The following FAM210A variants were observed in gnomAD, a reference collection of about 807,000 sequenced individuals.
FAM210A encodes the protein mitochondrial inner membrane scaffold 1.
FAM210A carries 13 observed loss-of-function variants against 25.3 expected under a neutral mutation model. The observed-to-expected ratio is 0.51, with a 90% CI of 0.33 to 0.82. The LOEUF (loss-of-function observed/expected upper bound fraction) is 0.82, where lower values mean the gene tolerates loss of function less well. FAM210A is among the 40% of genes least tolerant of loss of function. The probability of loss-of-function intolerance (pLI) is 0.02; values close to 1 mark genes in which losing one functional copy is unlikely to be tolerated. For synonymous variants in FAM210A, 125 were observed against 118.7 expected (o/e 1.05, Z -0.35); for missense variants, 319 against 323.2 (o/e 0.99, Z 0.10).
At chr18:13,707,306 C>T (rs1205983869) in intron 1 of FAM210A, among the ~76,000 whole-genome samples, 2 of 152,070 alleles carry the variant, frequency 1.3e-5, no homozygotes, top group Non-Finnish European at 2.9e-5. Flanking sequence ...TGCACTAGGC[C>T]CCAACAGACC....
At chr18:13,697,145 C>G (rs2043701080) in intron 1 of FAM210A, among the ~76,000 whole-genome samples, 1 of 152,134 alleles carries the variant, frequency 6.6e-6, no homozygotes, top group Non-Finnish European at 1.5e-5. Flanking sequence ...ATGATGTTCT[C>G]ACAATGACAA....
chr18:13,709,617 TCTAA>T (rs1392020978), intron 1 of FAM210A, among the ~76,000 whole-genome samples: 1 of 152,206 alleles, frequency 6.6e-6, no homozygotes, highest in Non-Finnish European at 1.5e-5. Flanking sequence ...CCACTTATCT[TCTAA>T]CTTCTTATAC....
At position 13,712,859 on chromosome 18, in the gene FAM210A, T is replaced by C. The variant is rs116001821; in HGVS notation, c.-29+13470A>G. On this transcript the variant is annotated intron_variant, in intron 1 of 3. Coordinates refer to ENST00000651643, the MANE Select transcript of FAM210A (RefSeq NM_152352.4). ...GATAGAAGGACTCAAAACTAAGTAC[T>C]TCAAAACATGAAAGCTGCAGTATAC... Among the ~76,000 whole-genome samples, 1,069 of 152,310 alleles carry C rather than the reference T, an allele frequency of 7.0e-3. 12 individuals are homozygous for C. The highest frequency in any genetic ancestry group is 0.025 in the African/African-American group (1,024 of 41,558).
chr18:13,707,738 T>G (rs964335696), intron 1 of FAM210A, among the ~76,000 whole-genome samples: 1 of 152,250 alleles, frequency 6.6e-6, no homozygotes, highest in Non-Finnish European at 1.5e-5. Context: ...CTTAGGAGTG[T>G]GCGCCTGTAA....
At position 13,666,637 on chromosome 18, in the gene FAM210A, TAG is replaced by T. The variant is rs1239732076; in HGVS notation, c.660_661del (p.Tyr221HisfsTer32). 6.2e-7 allele frequency: 1 copy of T among 1,614,102 alleles called. No individual in the cohort carries two copies. The highest frequency in any genetic ancestry group is 8.5e-7 in the Non-Finnish European group (1 of 1,180,046). On this transcript the variant is annotated frameshift_variant, in exon 4 of 4. Transcript: ENST00000651643. LOFTEE classifies it high-confidence loss of function. ...CTTGACGGGTGGCGGCGTGGACATGTAGCCATGACTGCGCAGATACTTCACAG... is the reference window on the plus strand; with the variant it reads ...CTTGACGGGTGGCGGCGTGGACATGTCCATGACTGCGCAGATACTTCACAG...
chr18:13,672,959 C>T (rs140693262), intron 2 of FAM210A, among the ~76,000 whole-genome samples: 2,830 of 152,282 alleles, frequency 0.019, 37 homozygotes, highest in Non-Finnish European at 0.031. Context: ...GCAACTTCTC[C>T]GTTTCCAGCT....
chr18:13,699,708 TCTC>T (rs144114914), intron 1 of FAM210A, among the ~76,000 whole-genome samples: 6,232 of 152,264 alleles, frequency 0.041, 143 homozygotes, highest in Middle Eastern at 0.065. Flanking sequence ...TTCTTAGCCT[TCTC>T]CTTATCAGTA....
intron 1 of FAM210A, among the ~76,000 whole-genome samples, chr18:13,713,063 G>C (rs1358080718): frequency 2.6e-5 from 4 of 152,118 alleles, no homozygotes; most frequent in Admixed American, 2.0e-4. Context: ...GATCCTGAAG[G>C]GATGACTTGG....
At chr18:13,711,556 T>C (rs547184217) in intron 1 of FAM210A, among the ~76,000 whole-genome samples, 1 of 152,324 alleles carries the variant, frequency 6.6e-6, no homozygotes, top group East Asian at 1.9e-4. Flanking sequence ...CCTCACTACT[T>C]GCATCCTACT....
intron 3 of FAM210A, among the ~76,000 whole-genome samples, chr18:13,670,360 T>C (rs2043431898): frequency 6.6e-6 from 1 of 152,126 alleles, no homozygotes. Context: ...TAATACACTT[T>C]AATGTAGAAA....
At chr18:13,695,154 C>G (rs1025616634) in intron 1 of FAM210A, among the ~76,000 whole-genome samples, 2 of 152,140 alleles carry the variant, frequency 1.3e-5, no homozygotes, top group African/African-American at 4.8e-5. Flanking sequence ...CAAATCAAAA[C>G]CACAATGAGA....
intron 1 of FAM210A, among the ~76,000 whole-genome samples, chr18:13,696,899 C>G (rs1004874294): frequency 6.6e-6 from 1 of 152,170 alleles, no homozygotes; most frequent in Non-Finnish European, 1.5e-5. Flanking sequence ...CACTCACTGA[C>G]TCACCCAGAG....
intron 1 of FAM210A, among the ~76,000 whole-genome samples, chr18:13,707,895 C>T (rs2043791502): frequency 6.6e-6 from 1 of 151,502 alleles, no homozygotes; most frequent in Admixed American, 6.6e-5. Flanking sequence ...ACATCATTTC[C>T]CTTTTTTTTT....
At chr18:13,684,137 C>T (rs936185475) in intron 1 of FAM210A, among the ~76,000 whole-genome samples, 6 of 152,276 alleles carry the variant, frequency 3.9e-5, no homozygotes, top group Admixed American at 3.3e-4. Context: ...TGGCTCACGC[C>T]TGTAATCTCA....
At chr18:13,669,163 G>C (rs1456151400) in intron 3 of FAM210A, among the ~76,000 whole-genome samples, 1 of 152,090 alleles carries the variant, frequency 6.6e-6, no homozygotes, top group African/African-American at 2.4e-5. Context: ...CCTGGGTTCT[G>C]GCCACTATTG....
chr18:13,677,445 G>A (rs569104643), intron 2 of FAM210A, among the ~76,000 whole-genome samples: 1 of 152,160 alleles, frequency 6.6e-6, no homozygotes, highest in Non-Finnish European at 1.5e-5. Flanking sequence ...GAGTAAGCAG[G>A]GGGTACGTGA....
Position 13,665,420 on chromosome 18 carries a change from C to A in FAM210A, c.*1060G>T. On this transcript the variant is annotated 3_prime_UTR_variant, in exon 4 of 4. Coordinates refer to ENST00000651643, the MANE Select transcript of FAM210A (RefSeq NM_152352.4). ...AAAAAAAAAAAAATCAAGTAGAATG[C>A]TCAAACAAGGATATTTCCCTTCAAT... is the stretch of plus-strand genomic sequence containing the variant. 1 of 109,692 alleles carries A rather than the reference C, an allele frequency of 9.1e-6. No individual in the cohort carries two copies. The highest frequency in any genetic ancestry group is 2.9e-5 in the African/African-American group (1 of 34,104). 6.8% of individuals were successfully genotyped at this position (109,692 alleles called of 1,614,324 possible). A position where few individuals can be genotyped will look rare whatever the true frequency, so the allele number is the denominator to read the frequency against.
intron 1 of FAM210A, among the ~76,000 whole-genome samples, chr18:13,687,096 G>A (rs982171748): frequency 6.6e-6 from 1 of 152,134 alleles, no homozygotes; most frequent in African/African-American, 2.4e-5. Context: ...GATATGCAAA[G>A]GTATATCTAA....
At position 13,682,012 on chromosome 18, in the gene FAM210A, A is replaced by G; in HGVS notation, c.66T>C (p.Asn22=). 1 of 1,614,084 alleles carries G rather than the reference A, an allele frequency of 6.2e-7. No homozygotes were observed. Among genetic ancestry groups the G allele is most frequent in the South Asian group, 1.1e-5 (1 of 91,042 alleles). Residue 22 remains asparagine (N), a synonymous_variant, in exon 2 of 4, where the codon AAT becomes AAC. Coordinates refer to ENST00000651643, the MANE Select transcript of FAM210A (RefSeq NM_152352.4). ...TTTGACAGTGTCCAAAGAGACCAGC[A>G]TTATGTGGTTCCAAGCATGTCCTGC... is the stretch of plus-strand genomic sequence containing the variant. ...LARRTCLEPH[N]AGLFGHCQNV... is the part of the protein sequence containing the mutation.
Sources: gnomAD v4.1 joint callset for allele counts (sites outside exome capture counted in the v4.1 genomes callset) on GRCh38, gnomAD v4.1.1 for gene constraint, MANE v1.5 for transcripts, NCBI Gene and HGNC (gene_info 2026-07-23, HGNC 2026-07-21) for gene names.